BPTF: variants seen among roughly 807,000 people sequenced by gnomAD.
BPTF encodes bromodomain PHD finger transcription factor.
A neutral mutation model predicts 292.5 loss-of-function variants in BPTF; 18 were observed. That is an observed-to-expected ratio of 0.06 (90% CI 0.04 to 0.09). The LOEUF (loss-of-function observed/expected upper bound fraction) is 0.09. BPTF is among the 10% of genes least tolerant of loss of function. BPTF has a pLI of 1.00. For synonymous variants in BPTF, 1,225 were observed against 1,251.9 expected (o/e 0.98, Z 0.45); for missense variants, 2,726 against 3,498.7 (o/e 0.78, Z 5.57).
intron 19 of BPTF, among the ~76,000 whole-genome samples, chr17:67,943,419 T>C (rs1208402540): frequency 6.6e-6 from 1 of 152,136 alleles, no homozygotes; most frequent in Non-Finnish European, 1.5e-5. Context: ...GTATTCAGGG[T>C]TTCTAGTTGA....
Position 67,854,883 on chromosome 17 carries a change from C to T in BPTF, c.1436+121C>T. The T allele has an allele frequency of 1.5e-6, 1 of 677,160 alleles. No homozygotes were observed. Among genetic ancestry groups the T allele is most frequent in the Non-Finnish European group, 2.5e-6 (1 of 406,648 alleles). The allele number at this position is 677,160 out of a possible 1,614,324, so 41.9% of individuals were successfully genotyped here. Reference sequence around the variant, plus strand: ...AAACCTTTGTAACTTAATAGTTATACAGTTAAATAATTTCTTAATTGAAGG... The same window carrying T: ...AAACCTTTGTAACTTAATAGTTATATAGTTAAATAATTTCTTAATTGAAGG... On this transcript the variant is annotated intron_variant, in intron 2 of 27. Transcript: ENST00000306378. This position sits in a 1 kb window ranked among gnomAD's most constrained non-coding sequence, Gnocchi z 5.6.
Position 67,825,839 on chromosome 17 carries a change from C to A in BPTF, c.115C>A (p.Leu39Ile). Residue 39 changes from leucine to isoleucine, a missense_variant, in exon 1 of 28, where the codon CTC (leucine) becomes ATC (isoleucine). By Grantham distance (5) the Leu-to-Ile change is conservative (BLOSUM62 2). Transcript: ENST00000306378. ...GCCCACGTCCGGACCCATCGGGGGG[C>A]TCCGCTCGCGGCACCGCGGCAGCAG... Reference protein sequence around the residue: ...PPPTSGPIGGLRSRHRGSSRG... With the variant: ...PPPTSGPIGGIRSRHRGSSRG... 5.9e-6 allele frequency: 6 copies of A among 1,016,546 alleles called. No individual in the cohort carries two copies. Among genetic ancestry groups the A allele is most frequent in the Non-Finnish European group, 5.9e-6 (5 of 852,182 alleles). The allele number at this position is 1,016,546 out of a possible 1,614,324, so 63.0% of individuals were successfully genotyped here.
intron 18 of BPTF, among the ~76,000 whole-genome samples, chr17:67,938,892 G>A (rs1476374870): frequency 6.6e-6 from 1 of 152,190 alleles, no homozygotes; most frequent in Non-Finnish European, 1.5e-5. Flanking sequence ...CACAAATGAA[G>A]AACAATGACT....
At chr17:67,834,679 T>G (rs1044551530) in intron 1 of BPTF, among the ~76,000 whole-genome samples, 3 of 152,194 alleles carry the variant, frequency 2.0e-5, no homozygotes, top group Non-Finnish European at 4.4e-5. Flanking sequence ...TATCTTTATC[T>G]GTTAAGACAT....
At chr17:67,886,138 C>A in intron 4 of BPTF, 1 of 1,552,192 alleles carries the variant, frequency 6.4e-7, no homozygotes, top group Non-Finnish European at 8.7e-7. Context: ...AAGAACCTAA[C>A]AAGACATGTG....
intron 22 of BPTF, 61 bp from the exon 23 acceptor site, chr17:67,948,020 A>T: frequency 6.7e-7 from 1 of 1,486,364 alleles, no homozygotes; most frequent in Non-Finnish European, 9.3e-7. Context: ...TAGAAGAATG[A>T]TGTCTTAAGC....
At chr17:67,836,003 G>A (rs1181765760) in intron 1 of BPTF, among the ~76,000 whole-genome samples, 1 of 152,052 alleles carries the variant, frequency 6.6e-6, no homozygotes, top group Admixed American at 6.6e-5. Flanking sequence ...ATATATATAG[G>A]CCAGAAGAGA....
chr17:67,853,879 G>T, intron 1 of BPTF, 61 bp from the exon 2 acceptor site: 1 of 1,364,126 alleles, frequency 7.3e-7, no homozygotes, highest in Non-Finnish European at 1.0e-6. Flanking sequence ...TGTTCAAATA[G>T]GAAATTTGTA....
intron 26 of BPTF, among the ~76,000 whole-genome samples, chr17:67,970,226 A>C (rs1355943515): frequency 6.6e-6 from 1 of 151,436 alleles, no homozygotes; most frequent in African/African-American, 2.4e-5. Flanking sequence ...GCAAGAGTGA[A>C]ACTCCATCTC....
At chr17:67,947,677 C>T in intron 21 of BPTF, 49 bp from the exon 22 acceptor site, 1 of 1,410,518 alleles carries the variant, frequency 7.1e-7, no homozygotes, top group Non-Finnish European at 9.8e-7. Flanking sequence ...TGTGTACTAA[C>T]CTGTGGTGAT....
In BPTF at chr17:67,911,818, A is replaced by G. The variant is rs141857472; in HGVS notation, c.3934A>G (p.Asn1312Asp). 6.2e-7 allele frequency: 1 copy of G among 1,614,202 alleles called. No individual in the cohort carries two copies. The highest frequency in any genetic ancestry group is 8.5e-7 in the Non-Finnish European group (1 of 1,180,022). Residue 1312 changes from asparagine to aspartate, a missense_variant, in exon 11 of 28, where the codon AAT becomes GAT. By Grantham distance (23) the Asn-to-Asp change is conservative. Around this residue, in one of 22 missense-constraint regions of BPTF, gnomAD observed 713 missense variants for 714.9 expected, o/e 1.00. Transcript: ENST00000306378. ...AGAAGATATGATTGTTCAGAATAGC[A>G]ATGAAAGCATTTCTGAACAGTTCAG... Reference protein sequence around the residue: ...SEEDMIVQNSNESISEQFRTR... With the variant: ...SEEDMIVQNSDESISEQFRTR...
rs2067293228 is a variant in BPTF at position 67,959,682 on chromosome 17, C to T, written c.8068C>T (p.Pro2690Ser). The change falls in exon 24 of 28, where the codon CCA becomes TCA. Residue 2690 changes from proline (P) to serine (S), a missense_variant. Pro to Ser is a moderately conservative substitution (Grantham distance 74). Transcript: ENST00000306378. ...PPAPPPSPPP[P>S]PAVQHTGLLS... ...AGCCCCTCCACCTTCACCTCCCCCT[C>T]CACCTGCTGTGCAACACACAGGCCT... The T allele has an allele frequency of 1.9e-6, 3 of 1,613,568 alleles. No individual in the cohort carries two copies. The highest frequency in any genetic ancestry group is 2.5e-6 in the Non-Finnish European group (3 of 1,179,872).
chr17:67,858,525 A>G (rs1465468731), intron 2 of BPTF, among the ~76,000 whole-genome samples: 19 of 147,224 alleles, frequency 1.3e-4, no homozygotes, highest in African/African-American at 2.6e-5. Flanking sequence ...ACTGTACTCC[A>G]GCCTGGGTGA....
At chr17:67,918,654 A>G in intron 11 of BPTF, 60 bp from the exon 12 acceptor site, 6 of 1,476,380 alleles carry the variant, frequency 4.1e-6, no homozygotes, top group Non-Finnish European at 5.6e-6. Context: ...GTGAATATGA[A>G]TGTGTATGTG....
chr17:67,873,904 C>G (rs1023114758), intron 3 of BPTF, among the ~76,000 whole-genome samples: 22 of 152,016 alleles, frequency 1.4e-4, no homozygotes, highest in Non-Finnish European at 2.9e-5. Flanking sequence ...ACAAAGGCTC[C>G]TTGGAGAGAT....
At chr17:67,849,336 C>A (rs180701731) in intron 1 of BPTF, among the ~76,000 whole-genome samples, 1 of 152,200 alleles carries the variant, frequency 6.6e-6, no homozygotes, top group Non-Finnish European at 1.5e-5. Context: ...ACCTGAAGAT[C>A]GTGAGAAACT....
rs983323976 is a variant in BPTF at position 67,911,180 on chromosome 17, C to T, written c.3296C>T (p.Ser1099Leu). The part of the protein sequence containing the change: ...KGIGKTSTNS[S>L]KNLSESPVIT... ...ATAGGAAAGACTTCTACAAATTCTT[C>T]AAAAAATCTCTCTGAATCACCAGTA... Residue 1099 changes from serine to leucine, a missense_variant, in exon 11 of 28, where the codon TCA becomes TTA. Coordinates refer to ENST00000306378, the MANE Select transcript of BPTF (RefSeq NM_182641.4). 6.2e-7 allele frequency: 1 copy of T among 1,613,530 alleles called. No homozygotes were observed. Among genetic ancestry groups the T allele is most frequent in the East Asian group, 2.2e-5 (1 of 44,836 alleles).
chr17:67,956,277 C>A (rs1244577010), intron 23 of BPTF: 4 of 140,840 alleles, frequency 2.8e-5, no homozygotes, highest in Non-Finnish European at 6.1e-5. Flanking sequence ...CGAGATTGCG[C>A]CACTGCATTC....
chr17:67,947,460 A>G (rs2065897414), intron 21 of BPTF, among the ~76,000 whole-genome samples: 1 of 152,218 alleles, frequency 6.6e-6, no homozygotes, highest in African/African-American at 2.4e-5. Context: ...ATGTCTCAGT[A>G]TCTTGTTTAT....
Sources: gnomAD v4.1 joint callset for allele counts (sites outside exome capture counted in the v4.1 genomes callset) on GRCh38, gnomAD v4.1.1 for gene constraint, gnomAD v4.1.1 regional missense constraint, Gnocchi (gnomAD v3.1) non-coding constraint, MANE v1.5 for transcripts, NCBI Gene and HGNC (gene_info 2026-07-23, HGNC 2026-07-21) for gene names.